The following COMMD10 variants were observed in gnomAD, a reference collection of about 807,000 sequenced individuals.
COMMD10 encodes COMM domain containing 10, also known as COMM domain-containing protein 10.
A neutral mutation model predicts 28.9 loss-of-function variants in COMMD10; 33 were observed. The observed-to-expected ratio is 1.14, with a 90% CI of 0.87 to 1.53. COMMD10 has a LOEUF of 1.53. Among genes scored for constraint, COMMD10 ranks in the 40% most tolerant of loss-of-function variants. The pLI is 0.00. For missense variants in COMMD10, 310 were observed against 233.4 expected, an observed-to-expected ratio of 1.33 and a Z score of -2.14; for synonymous variants, 110 against 81.7, an observed-to-expected ratio of 1.35 and a Z score of -1.87.
At chr5:116,178,412 GATTAC>G (rs1747819566) in intron 5 of COMMD10, among the ~76,000 whole-genome samples, 1 of 152,018 alleles carries the variant, frequency 6.6e-6, no homozygotes, top group African/African-American at 2.4e-5. Flanking sequence ...TAAAGTATAT[GATTAC>G]ATTACATATT....
intron 5 of COMMD10, among the ~76,000 whole-genome samples, chr5:116,282,966 G>T (rs995263729): frequency 7.9e-5 from 12 of 151,982 alleles, no homozygotes; most frequent in Non-Finnish European, 2.9e-5. Flanking sequence ...CATAGGAGCA[G>T]AGACTTCTGG....
chr5:116,274,214 TGTG>T (rs1750842145), intron 5 of COMMD10, among the ~76,000 whole-genome samples: 2 of 151,908 alleles, frequency 1.3e-5, no homozygotes, highest in South Asian at 2.1e-4. Context: ...TGGCAAGTCT[TGTG>T]GTAAACATGA....
At chr5:116,174,326 A>G (rs948538449) in intron 5 of COMMD10, among the ~76,000 whole-genome samples, 4 of 152,104 alleles carry the variant, frequency 2.6e-5, no homozygotes, top group African/African-American at 7.2e-5. Context: ...TTCAGATGAT[A>G]AGGTGAGAGT....
At chr5:116,190,303 A>C (rs1460845829) in intron 5 of COMMD10, among the ~76,000 whole-genome samples, 1 of 152,186 alleles carries the variant, frequency 6.6e-6, no homozygotes, top group African/African-American at 2.4e-5. Context: ...TTTGAAAGTT[A>C]AATATGCAGC....
At chr5:116,180,478 G>T (rs1303442590) in intron 5 of COMMD10, among the ~76,000 whole-genome samples, 1 of 151,874 alleles carries the variant, frequency 6.6e-6, no homozygotes, top group Admixed American at 6.6e-5. Context: ...ATTAGTGTTG[G>T]GATAATGGAT....
intron 5 of COMMD10, among the ~76,000 whole-genome samples, chr5:116,173,194 A>G (rs79053054): frequency 0.015 from 2,286 of 152,216 alleles, 57 homozygotes; most frequent in African/African-American, 0.048. Flanking sequence ...GAAGTAGTTT[A>G]CAAATGAAAA....
chr5:116,265,688 C>T (rs890150227), intron 5 of COMMD10, among the ~76,000 whole-genome samples: 2 of 151,710 alleles, frequency 1.3e-5, no homozygotes, highest in Non-Finnish European at 2.9e-5. Flanking sequence ...CAAACACTTG[C>T]AATAAGTCCT....
intron 5 of COMMD10, among the ~76,000 whole-genome samples, chr5:116,183,751 G>A (rs1748051521): frequency 6.6e-6 from 1 of 151,984 alleles, no homozygotes; most frequent in African/African-American, 2.4e-5. Context: ...TTAGTTTTGG[G>A]TTACCTGGAT....
chr5:116,265,710 C>G (rs187089270), intron 5 of COMMD10, among the ~76,000 whole-genome samples: 1 of 151,676 alleles, frequency 6.6e-6, no homozygotes, highest in Admixed American at 6.6e-5. Context: ...ATATTGCTGT[C>G]AAGTAGGTGC....
At chr5:116,129,978 A>C (rs1751813077) in intron 4 of COMMD10, among the ~76,000 whole-genome samples, 1 of 151,194 alleles carries the variant, frequency 6.6e-6, no homozygotes, top group Non-Finnish European at 1.5e-5. Context: ...GTTTGCATGC[A>C]CAAACACATA....
At chr5:116,180,198 TTTCAG>T (rs1425025350) in intron 5 of COMMD10, among the ~76,000 whole-genome samples, 2 of 152,152 alleles carry the variant, frequency 1.3e-5, no homozygotes, top group African/African-American at 4.8e-5. Context: ...CTCTGTACAT[TTTCAG>T]TTATATGTAT....
At chr5:116,270,077 TGAA>T (rs1431979540) in intron 5 of COMMD10, among the ~76,000 whole-genome samples, 3 of 151,904 alleles carry the variant, frequency 2.0e-5, no homozygotes, top group Admixed American at 6.6e-5. Context: ...CTTGACATAA[TGAA>T]GAATTATGTT....
intron 5 of COMMD10, among the ~76,000 whole-genome samples, chr5:116,204,569 G>A (rs1046909653): frequency 3.3e-5 from 5 of 151,952 alleles, no homozygotes; most frequent in African/African-American, 1.2e-4. Context: ...TATGTTACAG[G>A]CAGAAGTATA....
intron 5 of COMMD10, among the ~76,000 whole-genome samples, chr5:116,167,192 T>C (rs1281456854): frequency 1.3e-5 from 2 of 151,752 alleles, no homozygotes; most frequent in Admixed American, 1.3e-4. Flanking sequence ...GCACAAGAAC[T>C]TCATGCAGCC....
chr5:116,262,616 T>C (rs564394002), intron 5 of COMMD10, among the ~76,000 whole-genome samples: 1 of 151,992 alleles, frequency 6.6e-6, no homozygotes, highest in East Asian at 1.9e-4. Context: ...TAAAAGTGAA[T>C]TATTTTGTAA....
At chr5:116,156,712 A>G (rs1752723023) in intron 5 of COMMD10, among the ~76,000 whole-genome samples, 1 of 152,174 alleles carries the variant, frequency 6.6e-6, no homozygotes, top group Non-Finnish European at 1.5e-5. Context: ...CCCTCAAGTT[A>G]GAAGAAGTTC....
intron 5 of COMMD10, among the ~76,000 whole-genome samples, chr5:116,240,341 A>C (rs1406688349): frequency 6.6e-6 from 1 of 152,180 alleles, no homozygotes; most frequent in Non-Finnish European, 1.5e-5. Flanking sequence ...CAAAGGAAAG[A>C]AGGGAGAATA....
Position 116,221,845 on chromosome 5 carries a change from C to T in COMMD10, c.511-69672C>T, listed in dbSNP as rs558526299. On this transcript the variant is annotated intron_variant, in intron 5 of 6. Coordinates refer to ENST00000274458, the MANE Select transcript of COMMD10 (RefSeq NM_016144.4). ...TTGGAGTCCTTTGCTTATTTTCCCA[C>T]ATTTTTTCTTACCAGAGAACACATA... 1.1e-3 allele frequency among the ~76,000 whole-genome samples: 160 copies of T among 152,196 alleles called. 2 individuals are homozygous for T. The highest frequency in any genetic ancestry group is 3.8e-3 in the African/African-American group (158 of 41,534).
chr5:116,150,765 A>C (rs577912690), intron 5 of COMMD10, among the ~76,000 whole-genome samples: 1 of 121,344 alleles, frequency 8.2e-6, no homozygotes, highest in South Asian at 3.0e-4. Flanking sequence ...GGGCTGAGAC[A>C]GTGGGGTTTT....
Sources: allele counts gnomAD v4.1 joint callset (sites outside exome capture counted in the v4.1 genomes callset), GRCh38; gene constraint gnomAD v4.1.1; transcripts MANE v1.5; gene names NCBI Gene and HGNC (gene_info 2026-07-23, HGNC 2026-07-21).